The following TSHZ1 variants were observed in gnomAD, a reference collection of about 807,000 sequenced individuals.
The protein encoded by TSHZ1 is teashirt zinc finger homeobox 1.
In TSHZ1, 12 loss-of-function variants were observed where a neutral mutation model predicts 67.1. That is an observed-to-expected ratio of 0.18 (90% CI 0.11 to 0.29). The LOEUF (loss-of-function observed/expected upper bound fraction) is 0.29, where lower values mean the gene tolerates loss of function less well. Ranked by LOEUF, TSHZ1 falls within the 10% of genes least tolerant of loss-of-function variation. The probability of loss-of-function intolerance (pLI) is 1.00; values close to 1 mark genes in which losing one functional copy is unlikely to be tolerated. For missense variants in TSHZ1, 1,305 were observed against 1,413.9 expected, an observed-to-expected ratio of 0.92 and a Z score of 1.23; for synonymous variants, 632 against 622.4, an observed-to-expected ratio of 1.02 and a Z score of -0.23.
At position 75,285,844 on chromosome 18, in the gene TSHZ1, A is replaced by G. The variant is rs747514228; in HGVS notation, c.437A>G (p.Asn146Ser). The G allele has an allele frequency of 1.9e-6, 3 of 1,613,350 alleles. No homozygotes were observed. The highest frequency in any genetic ancestry group is 8.5e-7 in the Non-Finnish European group (1 of 1,179,818). The change falls in exon 2 of 2, where the codon AAC becomes AGC. Residue 146 changes from asparagine (N) to serine (S), a missense_variant. By Grantham distance (46) the Asn-to-Ser change is conservative. Coordinates refer to ENST00000580243, the MANE Select transcript of TSHZ1 (RefSeq NM_001308210.2). ...AAGTCGGGTTCCACCACCAGCACCA[A>G]CGATGCCAGCCAGAAGGAGAGCTCC... ...LKKSGSTTST[N>S]DASQKESSAP... is the part of the protein sequence containing the mutation.
Position 75,287,611 on chromosome 18 carries a change from AC to A in TSHZ1, c.2206del (p.His736ThrfsTer11). 6.2e-7 allele frequency: 1 copy of A among 1,614,142 alleles called. No homozygotes were observed. Among genetic ancestry groups the A allele is most frequent in the Non-Finnish European group, 8.5e-7 (1 of 1,180,032 alleles). On this transcript the variant is annotated frameshift_variant, in exon 2 of 2. Transcript: ENST00000580243. LOFTEE classifies it high-confidence loss of function. This position sits in a 1 kb window ranked among gnomAD's most constrained non-coding sequence, Gnocchi z 5.0. The stretch of plus-strand genomic sequence containing the variant: ...TGTAACAACCTGGGGATCATCATGG[AC>A]CACTCACCGGAGCCTTCCTTCATCA... ...NGCNNLGIIM[D>X]HSPEPSFINP...
chr18:75,259,413 A>G (rs565293125), intron 1 of TSHZ1, among the ~76,000 whole-genome samples: 19 of 152,326 alleles, frequency 1.2e-4, no homozygotes, highest in African/African-American at 4.1e-4. Context: ...GTTGTGTGCC[A>G]TTCTGAGTAG....
At chr18:75,284,472 G>C (rs897586798) in intron 1 of TSHZ1, 10 of 152,216 alleles carry the variant, frequency 6.6e-5, no homozygotes, top group African/African-American at 2.4e-4. Context: ...ATGGCGTTAA[G>C]AACGTTCATA....
chr18:75,243,807 C>T (rs1242916106), intron 1 of TSHZ1, among the ~76,000 whole-genome samples: 1 of 152,110 alleles, frequency 6.6e-6, no homozygotes, highest in Non-Finnish European at 1.5e-5. Flanking sequence ...CATAGTCCTC[C>T]TTTGAGTTGA....
intron 1 of TSHZ1, among the ~76,000 whole-genome samples, chr18:75,251,953 G>GA: frequency 6.6e-6 from 1 of 152,148 alleles, no homozygotes; most frequent in East Asian, 1.9e-4. Flanking sequence ...CTTGAACAAA[G>GA]AAAAAAATTT....
At chr18:75,216,218 T>C (rs1180292346) in intron 1 of TSHZ1, among the ~76,000 whole-genome samples, 1 of 152,258 alleles carries the variant, frequency 6.6e-6, no homozygotes, top group Non-Finnish European at 1.5e-5. Context: ...ACTGCATCTC[T>C]TTAGCATAAC....
At position 75,221,643 on chromosome 18, in the gene TSHZ1, C is replaced by T. The variant is rs1313557675; in HGVS notation, c.40+9727C>T. On this transcript the variant is annotated intron_variant, in intron 1 of 1. Coordinates refer to ENST00000580243, the MANE Select transcript of TSHZ1 (RefSeq NM_001308210.2). ...TTGTGACTAATATTTATTTCAAGTA[C>T]AGAATGTGTCACAGCAGTAGGGCAT... Among the ~76,000 whole-genome samples the T allele has an allele frequency of 3.9e-5, 6 of 152,174 alleles. No individual in the cohort carries two copies. In the South Asian group the frequency reaches 8.3e-4, roughly 21 times the overall value.
intron 1 of TSHZ1, among the ~76,000 whole-genome samples, chr18:75,237,926 C>T (rs968555961): frequency 2.6e-5 from 4 of 152,268 alleles, no homozygotes; most frequent in South Asian, 2.1e-4. Flanking sequence ...GATTCTCCTG[C>T]CTCAGCCTCC....
chr18:75,253,808 TCA>T (rs941340105), intron 1 of TSHZ1, among the ~76,000 whole-genome samples: 11 of 152,270 alleles, frequency 7.2e-5, no homozygotes, highest in African/African-American at 2.7e-4. Flanking sequence ...CCTAATTTTC[TCA>T]CAGTCTTCAG....
At chr18:75,227,431 GC>G (rs887891060) in intron 1 of TSHZ1, among the ~76,000 whole-genome samples, 1 of 152,042 alleles carries the variant, frequency 6.6e-6, no homozygotes, top group Non-Finnish European at 1.5e-5. Context: ...AAGAGAAAGG[GC>G]CATTTTTGCC....
intron 1 of TSHZ1, among the ~76,000 whole-genome samples, chr18:75,220,017 G>A (rs2022825549): frequency 6.6e-6 from 1 of 152,204 alleles, no homozygotes; most frequent in Non-Finnish European, 1.5e-5. Context: ...GGACTGTCAG[G>A]AGTAAGAGGC....
At chr18:75,235,107 C>G (rs1254154584) in intron 1 of TSHZ1, among the ~76,000 whole-genome samples, 1 of 152,094 alleles carries the variant, frequency 6.6e-6, no homozygotes, top group Non-Finnish European at 1.5e-5. Flanking sequence ...GCATTACCTC[C>G]TGCGCGTGAA....
intron 1 of TSHZ1, among the ~76,000 whole-genome samples, chr18:75,225,342 T>C (rs2022910287): frequency 6.6e-6 from 1 of 152,214 alleles, no homozygotes; most frequent in Admixed American, 6.5e-5. Context: ...GAACACCTAC[T>C]GTTTGTGAGT....
rs537240882 is a variant in TSHZ1, at chr18:75,212,263, G to T, written c.40+347G>T. Among the ~76,000 whole-genome samples the T allele has an allele frequency of 2.4e-3, 368 of 152,292 alleles. 2 individuals carry two copies. The highest frequency in any genetic ancestry group is 8.3e-3 in the African/African-American group (346 of 41,564). On this transcript the variant is annotated intron_variant, in intron 1 of 1. Coordinates refer to ENST00000580243, the MANE Select transcript of TSHZ1 (RefSeq NM_001308210.2). ...GTAGTTGCTCCTTGGCTGCCGGAGC[G>T]CACTGGAAAAGTCCTCCAAAGGCGG...
intron 1 of TSHZ1, 143 bp downstream of exon 1, chr18:75,212,059 G>T (rs529894032): frequency 5.5e-6 from 3 of 549,660 alleles, no homozygotes; most frequent in South Asian, 1.7e-4. Flanking sequence ...GGCCACAGTC[G>T]TCTGGAGGCT....
chr18:75,249,178 G>C (rs925271197), intron 1 of TSHZ1, among the ~76,000 whole-genome samples: 1 of 152,168 alleles, frequency 6.6e-6, no homozygotes, highest in Non-Finnish European at 1.5e-5. Context: ...GGCCCCACCT[G>C]CTACCCGGGC....
At chr18:75,279,371 A>G (rs13313667) in intron 1 of TSHZ1, among the ~76,000 whole-genome samples, 1,917 of 152,346 alleles carry the variant, frequency 0.013, 52 homozygotes, top group African/African-American at 0.043. Flanking sequence ...CTGGAAGAGT[A>G]TATGATAAAA....
At chr18:75,238,866 T>C (rs1332590020) in intron 1 of TSHZ1, among the ~76,000 whole-genome samples, 2 of 152,258 alleles carry the variant, frequency 1.3e-5, no homozygotes, top group Non-Finnish European at 2.9e-5. Flanking sequence ...TCCTGCATCT[T>C]TGGCTGCACA....
chr18:75,288,807 CT>C lies in TSHZ1; in HGVS notation c.*167del. 8.6e-7 allele frequency: 1 copy of C among 1,165,246 alleles called. No individual in the cohort carries two copies. The highest frequency in any genetic ancestry group is 2.7e-5 in the East Asian group (1 of 36,724). 72.2% of individuals were successfully genotyped at this position (1,165,246 alleles called of 1,614,324 possible). On this transcript the variant is annotated 3_prime_UTR_variant, in exon 2 of 2. Coordinates refer to ENST00000580243, the MANE Select transcript of TSHZ1 (RefSeq NM_001308210.2). This position sits in a 1 kb window ranked among gnomAD's most constrained non-coding sequence, Gnocchi z 4.9. The stretch of plus-strand genomic sequence containing the variant: ...TATATTTATATGCTCTCTGTCCGAT[CT>C]GTGCATGTTATTTTTCTTTTTCCGT...
Sources: gnomAD v4.1 joint callset for allele counts (sites outside exome capture counted in the v4.1 genomes callset) on GRCh38, gnomAD v4.1.1 for gene constraint, Gnocchi (gnomAD v3.1) non-coding constraint, MANE v1.5 for transcripts, NCBI Gene and HGNC (gene_info 2026-07-23, HGNC 2026-07-21) for gene names.